The following NELL1 variants were observed in gnomAD, a reference collection of about 807,000 sequenced individuals.
The protein encoded by NELL1 is neural EGFL like 1.
Under a neutral mutation model 107.4 loss-of-function variants are expected in NELL1, and 76 were observed. That is an observed-to-expected ratio of 0.71 (90% CI 0.59 to 0.86). NELL1 has a LOEUF of 0.86. NELL1 is among the 40% of genes least tolerant of loss of function. NELL1 has a pLI of 0.00. For synonymous variants in NELL1, 353 were observed against 341.2 expected (o/e 1.03, Z -0.38); for missense variants, 1,024 against 1,005.5 (o/e 1.02, Z -0.25).
chr11:21,370,851 A>G lies in NELL1; in HGVS notation c.1550-2A>G. On this transcript the variant is annotated splice_acceptor_variant, in intron 14 of 19. Coordinates refer to ENST00000357134, the MANE Select transcript of NELL1 (RefSeq NM_006157.5). LOFTEE classifies it high-confidence loss of function. ...GATAAATACTTTGTTCTCTTGCAAC[A>G]GCTTTCTGTGAAGAGGGCTGCAGAT... 6.2e-7 allele frequency: 1 copy of G among 1,610,628 alleles called. No homozygotes were observed. The highest frequency in any genetic ancestry group is 8.5e-7 in the Non-Finnish European group (1 of 1,178,194).
At chr11:21,290,839 C>G (rs572514072) in intron 14 of NELL1, among the ~76,000 whole-genome samples, 1 of 152,272 alleles carries the variant, frequency 6.6e-6, no homozygotes, top group African/African-American at 2.4e-5. Context: ...ATCCGAAGAT[C>G]ACCAACATAA....
chr11:21,281,812 G>A (rs1565146408), intron 14 of NELL1, among the ~76,000 whole-genome samples: 1 of 152,160 alleles, frequency 6.6e-6, no homozygotes, highest in Non-Finnish European at 1.5e-5. Flanking sequence ...CTACATCTAG[G>A]AGATGCCTAT....
At chr11:21,022,400 G>A (rs993737488) in intron 12 of NELL1, among the ~76,000 whole-genome samples, 13 of 152,154 alleles carry the variant, frequency 8.5e-5, no homozygotes, top group African/African-American at 2.2e-4. Flanking sequence ...TCAAAACTTT[G>A]TAATTGCATA....
At chr11:21,078,863 A>T (rs7932812) in intron 12 of NELL1, among the ~76,000 whole-genome samples, 66,676 of 151,882 alleles carry the variant, frequency 0.44, 14,892 homozygotes, top group African/African-American at 0.49. Flanking sequence ...TTAATAAAAC[A>T]TATAGATTTT....
At chr11:20,975,520 T>C (rs1486132366) in intron 12 of NELL1, among the ~76,000 whole-genome samples, 1 of 144,718 alleles carries the variant, frequency 6.9e-6, no homozygotes, top group East Asian at 2.0e-4. Flanking sequence ...TATTATTTAA[T>C]ATATATTCAA....
At chr11:21,546,146 T>C (rs935021092) in intron 16 of NELL1, among the ~76,000 whole-genome samples, 3 of 152,004 alleles carry the variant, frequency 2.0e-5, no homozygotes, top group African/African-American at 7.2e-5. Flanking sequence ...AATACCAGGA[T>C]CCGGCCTCAA....
chr11:21,354,813 A>C (rs1441224217), intron 14 of NELL1, among the ~76,000 whole-genome samples: 2 of 152,196 alleles, frequency 1.3e-5, no homozygotes, highest in African/African-American at 4.8e-5. Flanking sequence ...AAAGTTGCAG[A>C]ATGCTTTTAC....
intron 12 of NELL1, among the ~76,000 whole-genome samples, chr11:20,986,492 A>T (rs979611805): frequency 6.6e-6 from 1 of 152,166 alleles, no homozygotes; most frequent in Admixed American, 6.5e-5. Flanking sequence ...AAGGCCCCAG[A>T]GGATCAGTTT....
chr11:20,832,262 C>T lies in NELL1; in HGVS notation c.336-15321C>T, dbSNP rs564333934. Among the ~76,000 whole-genome samples the T allele has an allele frequency of 9.2e-5, 14 of 152,340 alleles. No homozygotes were observed. In the South Asian group the frequency reaches 2.9e-3, roughly 32 times the overall value. Reference sequence around the variant, plus strand: ...CACTTTTATGAGACTCTTCACAATGCTCATGTTTAGCCTGGGCTTTTCATG... The same window carrying T: ...CACTTTTATGAGACTCTTCACAATGTTCATGTTTAGCCTGGGCTTTTCATG... On this transcript the variant is annotated intron_variant, in intron 3 of 19. Coordinates refer to ENST00000357134, the MANE Select transcript of NELL1 (RefSeq NM_006157.5).
At chr11:21,057,937 A>T (rs895649375) in intron 12 of NELL1, among the ~76,000 whole-genome samples, 2 of 152,104 alleles carry the variant, frequency 1.3e-5, no homozygotes, top group Non-Finnish European at 2.9e-5. Context: ...GCTTTCTCCT[A>T]TAGGCAGAGT....
At chr11:20,715,144 C>T (rs1453353104) in intron 2 of NELL1, among the ~76,000 whole-genome samples, 1 of 151,966 alleles carries the variant, frequency 6.6e-6, no homozygotes, top group Non-Finnish European at 1.5e-5. Context: ...ACTCGGGACC[C>T]TGAGGCAGGA....
chr11:21,348,548 T>A (rs1181683194), intron 14 of NELL1, among the ~76,000 whole-genome samples: 3 of 152,178 alleles, frequency 2.0e-5, no homozygotes, highest in Non-Finnish European at 2.9e-5. Flanking sequence ...ATTTATAATG[T>A]TTGGATAAAA....
intron 15 of NELL1, among the ~76,000 whole-genome samples, chr11:21,388,454 G>A (rs887542664): frequency 6.6e-6 from 1 of 151,826 alleles, no homozygotes; most frequent in Non-Finnish European, 1.5e-5. Context: ...TTGAGAACAA[G>A]AACAATTTTA....
chr11:21,538,578 G>A (rs1345234436), intron 16 of NELL1, among the ~76,000 whole-genome samples: 1 of 152,038 alleles, frequency 6.6e-6, no homozygotes, highest in Non-Finnish European at 1.5e-5. Flanking sequence ...ACAAAAATTT[G>A]TAAATTAATA....
intron 6 of NELL1, 78 bp downstream of exon 6, chr11:20,918,332 AC>A: frequency 1.1e-6 from 1 of 883,200 alleles, no homozygotes. Flanking sequence ...GGAAAGATAG[AC>A]CCAAATTGTT....
chr11:20,963,849 AG>A (rs999816884), intron 12 of NELL1, among the ~76,000 whole-genome samples: 1 of 152,210 alleles, frequency 6.6e-6, no homozygotes, highest in African/African-American at 2.4e-5. Context: ...CACATTGTCC[AG>A]GCCATCTTGA....
intron 13 of NELL1, among the ~76,000 whole-genome samples, chr11:21,131,183 C>T (rs1414792293): frequency 6.6e-6 from 1 of 152,082 alleles, no homozygotes; most frequent in Non-Finnish European, 1.5e-5. Flanking sequence ...TTCTGAAAAT[C>T]ATCTCTAATA....
At chr11:21,140,329 C>T (rs970761811) in intron 13 of NELL1, among the ~76,000 whole-genome samples, 5 of 152,050 alleles carry the variant, frequency 3.3e-5, no homozygotes, top group South Asian at 2.1e-4. Context: ...TAATACCTAC[C>T]GAGGGAAATT....
chr11:21,113,755 T>C, intron 13 of NELL1, 41 bp downstream of exon 13: 1 of 1,600,666 alleles, frequency 6.2e-7, no homozygotes, highest in South Asian at 1.1e-5. Context: ...AATTCATCCA[T>C]TCTCTGCACC....
Sources: gnomAD v4.1 joint callset for allele counts (sites outside exome capture counted in the v4.1 genomes callset) on GRCh38, gnomAD v4.1.1 for gene constraint, MANE v1.5 for transcripts, NCBI Gene and HGNC (gene_info 2026-07-23, HGNC 2026-07-21) for gene names.